TNKS2: variants seen among roughly 807,000 people sequenced by gnomAD.
TNKS2 encodes tankyrase 2.
Under a neutral mutation model 137.6 loss-of-function variants are expected in TNKS2, and 72 were observed. That is an observed-to-expected ratio of 0.52 (90% CI 0.43 to 0.64). The LOEUF (loss-of-function observed/expected upper bound fraction) is 0.64. Ranked by LOEUF, TNKS2 falls within the 30% of genes least tolerant of loss-of-function variation. The pLI is 0.00. For missense variants in TNKS2, 1,049 were observed against 1,410.2 expected (o/e 0.74, Z 4.10); for synonymous variants, 516 against 512.1 (o/e 1.01, Z -0.10).
chr10:91,844,885 CA>C, intron 16 of TNKS2, 33 bp from the exon 17 acceptor site: 4 of 1,472,300 alleles, frequency 2.7e-6, no homozygotes, highest in Non-Finnish European at 3.7e-6. Flanking sequence ...AAAGAAAAAA[CA>C]AGTAAAGTAA....
At chr10:91,833,649 A>G (rs1422548071) in intron 11 of TNKS2, among the ~76,000 whole-genome samples, 1 of 152,186 alleles carries the variant, frequency 6.6e-6, no homozygotes, top group Non-Finnish European at 1.5e-5. Context: ...ATTTAACCCA[A>G]AATTGAGTCT....
intron 3 of TNKS2, 34 bp downstream of exon 3, chr10:91,817,263 C>A: frequency 6.5e-7 from 1 of 1,528,758 alleles, no homozygotes; most frequent in Non-Finnish European, 9.0e-7. Context: ...TCCAGGAAGC[C>A]TGTAAAGAAC....
chr10:91,840,963 T>C (rs1439517745), intron 14 of TNKS2, among the ~76,000 whole-genome samples: 1 of 152,192 alleles, frequency 6.6e-6, no homozygotes, highest in African/African-American at 2.4e-5. Flanking sequence ...ACTTTTAATG[T>C]AGTAAATTTT....
chr10:91,819,246 C>G (rs1193780133), intron 3 of TNKS2, 24 bp from the exon 4 acceptor site: 1 of 1,012,476 alleles, frequency 9.9e-7, no homozygotes, highest in Non-Finnish European at 1.3e-6. Flanking sequence ...AATTTCTATA[C>G]TTTTTTTTTT....
At chr10:91,799,507 A>G (rs1248408726) in intron 1 of TNKS2, among the ~76,000 whole-genome samples, 1 of 152,196 alleles carries the variant, frequency 6.6e-6, no homozygotes, top group Non-Finnish European at 1.5e-5. Flanking sequence ...AGACACACAC[A>G]CATACAAGTT....
intron 1 of TNKS2, among the ~76,000 whole-genome samples, chr10:91,800,252 C>T (rs182886081): frequency 7.9e-5 from 12 of 152,202 alleles, no homozygotes; most frequent in Non-Finnish European, 1.6e-4. Context: ...TAAGTGCTGC[C>T]GTTCTTCAGC....
chr10:91,833,923 GCCGCCTACT>G lies in TNKS2; in HGVS notation c.1349_1357del (p.Arg450_Leu452del). 1.2e-6 allele frequency: 2 copies of G among 1,613,814 alleles called. No homozygotes were observed. The highest frequency in any genetic ancestry group is 1.7e-6 in the Non-Finnish European group (2 of 1,179,858). On this transcript the variant is annotated inframe_deletion, in exon 12 of 27. Coordinates refer to ENST00000371627, the MANE Select transcript of TNKS2 (RefSeq NM_025235.4). ...GCATATTGTGGTCATCTACAAACCT[GCCGCCTACT>G]CCTGAGCTATGGGTGTGATCCTAAC...
chr10:91,853,661 A>G (rs149537789), intron 21 of TNKS2, among the ~76,000 whole-genome samples: 1 of 152,224 alleles, frequency 6.6e-6, no homozygotes, highest in Non-Finnish European at 1.5e-5. Context: ...TATGTTGCAG[A>G]TGCCTCAGTC....
chr10:91,805,866 G>A (rs1315079807), intron 1 of TNKS2, among the ~76,000 whole-genome samples: 1 of 151,986 alleles, frequency 6.6e-6, no homozygotes, highest in Non-Finnish European at 1.5e-5. Flanking sequence ...TAAGTGGTTG[G>A]GATAGCAGAA....
In TNKS2 at chr10:91,807,243, T is replaced by C; in HGVS notation, c.200-5740T>C. 3 of 1,607,174 alleles carry C rather than the reference T, an allele frequency of 1.9e-6. No homozygotes were observed. In the South Asian group the frequency reaches 3.3e-5, roughly 18 times the overall value. ...TACCATAAGTCGCATTAGTTGACTG[T>C]GGAATTTCTCAATCTTCTTTACATC... On this transcript the variant is annotated intron_variant, in intron 1 of 26. Transcript: ENST00000371627.
At chr10:91,862,278 G>A (rs906347876) in intron 26 of TNKS2, 123 bp downstream of exon 26, 21 of 718,886 alleles carry the variant, frequency 2.9e-5, no homozygotes, top group Non-Finnish European at 3.2e-5. Flanking sequence ...TTTATTTGGA[G>A]ATAATTTCAG....
At chr10:91,836,104 G>A (rs539251262) in intron 12 of TNKS2, among the ~76,000 whole-genome samples, 6 of 138,794 alleles carry the variant, frequency 4.3e-5, no homozygotes, top group African/African-American at 1.3e-4. Context: ...GTGCAATGGC[G>A]TTATCTTGGC....
chr10:91,802,348 CAT>C (rs982661912), intron 1 of TNKS2, among the ~76,000 whole-genome samples: 2 of 152,150 alleles, frequency 1.3e-5, no homozygotes, highest in African/African-American at 4.8e-5. Context: ...ATCGTCTTCA[CAT>C]ATGTGGAAGA....
At chr10:91,843,416 A>G (rs989499045) in intron 16 of TNKS2, among the ~76,000 whole-genome samples, 1 of 152,152 alleles carries the variant, frequency 6.6e-6, no homozygotes, top group Non-Finnish European at 1.5e-5. Flanking sequence ...GCCCACCCTA[A>G]TGGGCTCATT....
At chr10:91,803,078 G>A (rs543339120) in intron 1 of TNKS2, among the ~76,000 whole-genome samples, 38 of 152,264 alleles carry the variant, frequency 2.5e-4, no homozygotes, top group Middle Eastern at 3.4e-3. Flanking sequence ...AGGCCATGGC[G>A]TTCTTTTCCA....
At chr10:91,853,711 A>G (rs1842622508) in intron 21 of TNKS2, among the ~76,000 whole-genome samples, 1 of 152,204 alleles carries the variant, frequency 6.6e-6, no homozygotes, top group South Asian at 2.1e-4. Flanking sequence ...AACACTCTCC[A>G]TATGCTCTTC....
In TNKS2 at chr10:91,862,984, T is replaced by C; in HGVS notation, c.3486T>C (p.Gly1162=). ...LITYQIMRPE[G]MVDG ...CTTACCAGATTATGAGGCCTGAAGG[T>C]ATGGTCGATGGATAAATAGTTATTT... The change falls in exon 27 of 27, where the codon GGT becomes GGC. Residue 1162 remains glycine (G), a synonymous_variant. Transcript: ENST00000371627. 6.2e-7 allele frequency: 1 copy of C among 1,604,944 alleles called. No homozygotes were observed. Among genetic ancestry groups the C allele is most frequent in the Non-Finnish European group, 8.5e-7 (1 of 1,173,412 alleles).
At chr10:91,862,713 C>T in intron 26 of TNKS2, among the ~76,000 whole-genome samples, 2 of 152,178 alleles carry the variant, frequency 1.3e-5, no homozygotes, top group Admixed American at 1.3e-4. Flanking sequence ...TGATTTTAGT[C>T]TTATCTGATA....
At chr10:91,807,474 G>T (rs1355929951) in intron 1 of TNKS2, 6 of 1,588,814 alleles carry the variant, frequency 3.8e-6, no homozygotes, top group African/African-American at 1.3e-5. Flanking sequence ...GAGAAGCAAG[G>T]CCTCAGAACC....
Sources: allele counts gnomAD v4.1 joint callset (sites outside exome capture counted in the v4.1 genomes callset), GRCh38; gene constraint gnomAD v4.1.1; transcripts MANE v1.5; gene names NCBI Gene and HGNC (gene_info 2026-07-23, HGNC 2026-07-21).